PHF21A: variants seen among roughly 807,000 people sequenced by gnomAD.
The protein encoded by PHF21A is BHC80a.
In PHF21A, 11 loss-of-function variants were observed where a neutral mutation model predicts 82.5. The ratio of observed to expected loss-of-function variants is 0.13; its 90% CI spans 0.08 to 0.22. The LOEUF (loss-of-function observed/expected upper bound fraction) is 0.22. Ranked by LOEUF, PHF21A falls within the 10% of genes least tolerant of loss-of-function variation. PHF21A has a pLI of 1.00. For synonymous variants in PHF21A, 297 were observed against 302.8 expected (o/e 0.98, Z 0.20); for missense variants, 579 against 837.8 (o/e 0.69, Z 3.81).
rs1382186009 is a variant in PHF21A at position 45,929,415 on chromosome 11, A to T, written c.*4553T>A. Reference sequence around the variant, plus strand: ...ATCCCCCCCCACCCCCTCAAAACAAAAACCAAACAAACAAAAACAAAAACT... The same window carrying T: ...ATCCCCCCCCACCCCCTCAAAACAATAACCAAACAAACAAAAACAAAAACT... On this transcript the variant is annotated 3_prime_UTR_variant, in exon 19 of 19. Transcript: ENST00000676320. 6.5e-6 allele frequency: 1 copy of T among 153,404 alleles called. No homozygotes were observed. Among genetic ancestry groups the T allele is most frequent in the East Asian group, 1.9e-4 (1 of 5,202 alleles). The allele number at this position is 153,404 out of a possible 1,614,324, so 9.5% of individuals were successfully genotyped here.
Position 46,009,000 on chromosome 11 carries a change from G to A in PHF21A, c.154-29034C>T, listed in dbSNP as rs574098303. Among the ~76,000 whole-genome samples, 6 of 130,798 alleles carry A rather than the reference G, an allele frequency of 4.6e-5. No individual in the cohort carries two copies. In the South Asian group the frequency reaches 7.2e-4, roughly 16 times the overall value. 85.8% of individuals were successfully genotyped at this position (130,798 alleles called of 152,430 possible). On this transcript the variant is annotated intron_variant, in intron 6 of 18. Coordinates refer to ENST00000676320, the MANE Select transcript of PHF21A (RefSeq NM_001352027.3). ...TTTTTTTTTTTTTTTTTTTGGAGAC[G>A]GAGTCTCACTGTCGCTCACGCTGGA...
chr11:46,084,295 C>T lies in PHF21A; in HGVS notation c.-76G>A, dbSNP rs1040384930. ...GTTTAAAGTAACAAACTCCTCTTCTCACTGCAGCTGTAAAGATCATAAAAT... is the reference window on the plus strand; with the variant it reads ...GTTTAAAGTAACAAACTCCTCTTCTTACTGCAGCTGTAAAGATCATAAAAT... On this transcript the variant is annotated 5_prime_UTR_variant, in exon 4 of 19. The change abolishes the stop of an existing upstream ORF in the 5' untranslated region. Transcript: ENST00000676320. The T allele has an allele frequency of 6.0e-6, 6 of 1,001,036 alleles. No homozygotes were observed. The African/African-American group carries it at 1.0e-4, about 17-fold the overall frequency. The allele number at this position is 1,001,036 out of a possible 1,614,324, so 62.0% of individuals were successfully genotyped here.
chr11:46,106,270 T>A (rs1177011508), intron 1 of PHF21A, among the ~76,000 whole-genome samples: 2 of 152,236 alleles, frequency 1.3e-5, no homozygotes, highest in Non-Finnish European at 2.9e-5. Flanking sequence ...TTATACCAAG[T>A]TGTCAATTTG....
intron 1 of PHF21A, among the ~76,000 whole-genome samples, chr11:46,116,108 T>C (rs2097286175): frequency 6.6e-6 from 1 of 152,216 alleles, no homozygotes; most frequent in Non-Finnish European, 1.5e-5. Context: ...TATTTTACTT[T>C]AAAATGTTTC....
At chr11:46,069,592 G>T (rs1465830786) in intron 6 of PHF21A, among the ~76,000 whole-genome samples, 2 of 152,124 alleles carry the variant, frequency 1.3e-5, no homozygotes, top group Admixed American at 6.5e-5. Flanking sequence ...GAAGCCTAAA[G>T]GCAATGTAAT....
chr11:45,995,456 T>C (rs1315824989), intron 6 of PHF21A, among the ~76,000 whole-genome samples: 1 of 152,214 alleles, frequency 6.6e-6, no homozygotes, highest in African/African-American at 2.4e-5. Context: ...GTGTGACAGT[T>C]ATACTGTCAT....
chr11:46,048,525 T>C (rs1347874001), intron 6 of PHF21A, among the ~76,000 whole-genome samples: 2 of 152,074 alleles, frequency 1.3e-5, no homozygotes, highest in Non-Finnish European at 1.5e-5. Flanking sequence ...ATCCCAGCAA[T>C]TTGGGAGGCC....
chr11:46,032,160 C>A lies in PHF21A; in HGVS notation c.153+44594G>T, dbSNP rs373937785. Among the ~76,000 whole-genome samples, 464 of 152,210 alleles carry A rather than the reference C, an allele frequency of 3.0e-3. 3 individuals are homozygous for A. Among genetic ancestry groups the A allele is most frequent in the South Asian group, 0.011 (51 of 4,812 alleles). ...TGTCCTGTGTCCTTAGTTAGGATCA[C>A]CCTGCTACACAAAATGATGCTAATC... is the stretch of plus-strand genomic sequence containing the variant. On this transcript the variant is annotated intron_variant, in intron 6 of 18. Coordinates refer to ENST00000676320, the MANE Select transcript of PHF21A (RefSeq NM_001352027.3).
chr11:46,009,258 G>A (rs1177818730), intron 6 of PHF21A, among the ~76,000 whole-genome samples: 1 of 152,108 alleles, frequency 6.6e-6, no homozygotes, highest in East Asian at 1.9e-4. Flanking sequence ...ACAGGGGTGA[G>A]CCACTGCGCC....
intron 18 of PHF21A, chr11:45,935,301 G>A: frequency 7.8e-7 from 1 of 1,280,062 alleles, no homozygotes; most frequent in Non-Finnish European, 1.0e-6. Flanking sequence ...GTCAGGTGAG[G>A]CGCTACACTC....
At position 46,075,119 on chromosome 11, in the gene PHF21A, T is replaced by C. The variant is rs541949125; in HGVS notation, c.153+1635A>G. Among the ~76,000 whole-genome samples, 4 of 152,326 alleles carry C rather than the reference T, an allele frequency of 2.6e-5. No homozygotes were observed. In the South Asian group the frequency reaches 8.3e-4, roughly 32 times the overall value. ...AATTAGAGCTTGCCACTTGATGAAA[T>C]GTCTTAACATAGATAGTTGCAATTT... is the stretch of plus-strand genomic sequence containing the variant. On this transcript the variant is annotated intron_variant, in intron 6 of 18. Transcript: ENST00000676320.
At chr11:46,033,986 A>G (rs2095926114) in intron 6 of PHF21A, among the ~76,000 whole-genome samples, 1 of 152,240 alleles carries the variant, frequency 6.6e-6, no homozygotes, top group Non-Finnish European at 1.5e-5. Context: ...TCCATTCAGC[A>G]GTGTATAAGG....
intron 16 of PHF21A, among the ~76,000 whole-genome samples, chr11:45,937,085 AGG>A (rs2089256837): frequency 6.6e-6 from 1 of 152,234 alleles, no homozygotes; most frequent in Admixed American, 6.5e-5. Flanking sequence ...AAGCAGCATC[AGG>A]AGGAGGACAC....
intron 3 of PHF21A, among the ~76,000 whole-genome samples, chr11:46,085,341 G>A (rs889457464): frequency 6.6e-6 from 1 of 151,986 alleles, no homozygotes; most frequent in Non-Finnish European, 1.5e-5. Flanking sequence ...ACATATAATG[G>A]CATGTGGAGA....
intron 6 of PHF21A, among the ~76,000 whole-genome samples, chr11:46,000,113 A>C (rs1031984658): frequency 9.9e-5 from 15 of 152,212 alleles, no homozygotes; most frequent in African/African-American, 3.6e-4. Flanking sequence ...AGGTGTAAGC[A>C]AAATAAGACA....
At chr11:46,079,953 G>A (rs527835704) in intron 4 of PHF21A, among the ~76,000 whole-genome samples, 3 of 152,190 alleles carry the variant, frequency 2.0e-5, no homozygotes, top group South Asian at 2.1e-4. Context: ...TAAAGACATC[G>A]CTGCCCAAAG....
chr11:46,061,430 T>TTTA (rs1268905470), intron 6 of PHF21A, among the ~76,000 whole-genome samples: 1 of 152,168 alleles, frequency 6.6e-6, no homozygotes, highest in African/African-American at 2.4e-5. Flanking sequence ...TAAACCCATA[T>TTTA]TTAAGGCTTG....
At chr11:46,101,854 T>TC (rs929859944) in intron 1 of PHF21A, among the ~76,000 whole-genome samples, 2 of 148,052 alleles carry the variant, frequency 1.4e-5, no homozygotes, top group African/African-American at 2.5e-5. Flanking sequence ...CGTGCTGGTC[T>TC]CCCTCTTTTT....
chr11:46,015,807 C>T (rs1170412235), intron 6 of PHF21A, among the ~76,000 whole-genome samples: 2 of 152,156 alleles, frequency 1.3e-5, no homozygotes, highest in African/African-American at 4.8e-5. Flanking sequence ...ACAACAACAT[C>T]CATGGAGCTG....
Sources: allele counts gnomAD v4.1 joint callset (sites outside exome capture counted in the v4.1 genomes callset), GRCh38; gene constraint gnomAD v4.1.1; transcripts MANE v1.5; gene names NCBI Gene and HGNC (gene_info 2026-07-23, HGNC 2026-07-21).